CAST: variants seen among roughly 807,000 people sequenced by gnomAD.
CAST encodes the protein calpastatin.
A neutral mutation model predicts 119.6 loss-of-function variants in CAST; 76 were observed. That is an observed-to-expected ratio of 0.64 (90% CI 0.53 to 0.77). The LOEUF is 0.77. CAST is among the 30% of genes least tolerant of loss of function. The pLI is 0.00. For synonymous variants in CAST, 319 were observed against 331.6 expected (o/e 0.96, Z 0.41); for missense variants, 953 against 946.5 (o/e 1.01, Z -0.09).
chr5:96,317,197 C>T, the CAST span, among the ~76,000 whole-genome samples: 8 of 151,768 alleles, frequency 5.3e-5, no homozygotes, highest in South Asian at 2.1e-4. Flanking sequence ...GGTGTGGTGG[C>T]TCATGCCTGT....
chr5:96,671,432 T>C (rs972231727), intron 1 of CAST, among the ~76,000 whole-genome samples: 3 of 152,216 alleles, frequency 2.0e-5, no homozygotes, highest in African/African-American at 7.2e-5. Context: ...CTCTAAAGAC[T>C]TTCTTGATGA....
the CAST span, among the ~76,000 whole-genome samples, chr5:96,233,460 A>T: frequency 7.2e-5 from 11 of 152,154 alleles, no homozygotes; most frequent in African/African-American, 2.7e-4. Context: ...GTATTTTAAA[A>T]TACTTCAAAA....
At chr5:96,592,270 G>A (rs1190252753) in intron 1 of CAST, among the ~76,000 whole-genome samples, 1 of 151,876 alleles carries the variant, frequency 6.6e-6, no homozygotes, top group Non-Finnish European at 1.5e-5. Flanking sequence ...GTGTGGTGAT[G>A]TGCGCCTTTG....
the CAST span, among the ~76,000 whole-genome samples, chr5:96,200,690 C>T: frequency 6.6e-6 from 1 of 152,098 alleles, no homozygotes; most frequent in Admixed American, 6.6e-5. Flanking sequence ...ATCTAATTGC[C>T]TGCATTCAAA....
chr5:96,008,300 T>A, the CAST span, among the ~76,000 whole-genome samples: 3 of 152,250 alleles, frequency 2.0e-5, no homozygotes, highest in African/African-American at 7.2e-5. Context: ...ATCTATCACC[T>A]GTTCACTTTT....
At chr5:96,239,589 C>G in the CAST span, among the ~76,000 whole-genome samples, 1 of 152,014 alleles carries the variant, frequency 6.6e-6, no homozygotes, top group Non-Finnish European at 1.5e-5. Flanking sequence ...GTTTTTTCCA[C>G]TAATCTGCCC....
chr5:96,520,526 A>AGT (rs952718225), upstream of CAST, among the ~76,000 whole-genome samples: 3 of 151,124 alleles, frequency 2.0e-5, no homozygotes, highest in Non-Finnish European at 4.4e-5. Context: ...TGTTTGTGTC[A>AGT]GTGTGTGTGT....
At chr5:96,208,111 C>A in the CAST span, among the ~76,000 whole-genome samples, 1 of 150,100 alleles carries the variant, frequency 6.7e-6, no homozygotes, top group Non-Finnish European at 1.5e-5. Flanking sequence ...TACATGTGTT[C>A]ATAATAGCCT....
chr5:96,554,602 A>C (rs191451919), intron 1 of CAST, among the ~76,000 whole-genome samples: 2 of 152,220 alleles, frequency 1.3e-5, no homozygotes, highest in Non-Finnish European at 2.9e-5. Context: ...AGAAACTATC[A>C]TCAGAGTGAA....
chr5:96,013,785 A>C, the CAST span, among the ~76,000 whole-genome samples: 2 of 152,202 alleles, frequency 1.3e-5, no homozygotes, highest in Non-Finnish European at 1.5e-5. Context: ...CAGTAAAAAT[A>C]GAGTATAAAG....
chr5:96,477,312 A>G, the CAST span, among the ~76,000 whole-genome samples: 6 of 151,986 alleles, frequency 3.9e-5, no homozygotes, highest in African/African-American at 1.4e-4. Context: ...GCGTGCACAC[A>G]CACACACACA....
upstream of CAST, among the ~76,000 whole-genome samples, chr5:96,520,619 G>T (rs1382947923): frequency 1.3e-5 from 2 of 152,072 alleles, no homozygotes; most frequent in Non-Finnish European, 2.9e-5. Flanking sequence ...CTATGTATAT[G>T]TGTGTGTGCT....
chr5:96,170,061 T>G, the CAST span, among the ~76,000 whole-genome samples: 54 of 151,962 alleles, frequency 3.6e-4, no homozygotes, highest in South Asian at 7.9e-3. Flanking sequence ...TTAAGAAGGG[T>G]ATGGACTTAC....
chr5:96,627,540 C>T (rs1747746383), intron 1 of CAST, among the ~76,000 whole-genome samples: 1 of 152,024 alleles, frequency 6.6e-6, no homozygotes. Flanking sequence ...TCTGTGAAAC[C>T]TAAAAATTTG....
chr5:96,216,608 C>G, the CAST span, among the ~76,000 whole-genome samples: 1 of 152,178 alleles, frequency 6.6e-6, no homozygotes, highest in Non-Finnish European at 1.5e-5. Context: ...CTGAATTACT[C>G]AGATCCTACA....
chr5:96,248,769 C>G, the CAST span, among the ~76,000 whole-genome samples: 37 of 152,270 alleles, frequency 2.4e-4, no homozygotes, highest in Middle Eastern at 3.4e-3. Flanking sequence ...TGTGTGTTAG[C>G]AAAGTTCTAA....
the CAST span, among the ~76,000 whole-genome samples, chr5:96,358,121 G>A: frequency 6.6e-6 from 1 of 152,094 alleles, no homozygotes; most frequent in African/African-American, 2.4e-5. Flanking sequence ...TTTGCATAGA[G>A]GTGTTTATAG....
intron 2 of CAST, among the ~76,000 whole-genome samples, chr5:96,677,570 G>A (rs1303412008): frequency 6.6e-6 from 1 of 152,250 alleles, no homozygotes; most frequent in African/African-American, 2.4e-5. Context: ...AGAAGGAACA[G>A]CGAATTTTTC....
At chr5:96,142,167 C>T in the CAST span, among the ~76,000 whole-genome samples, 1 of 152,162 alleles carries the variant, frequency 6.6e-6, no homozygotes, top group Non-Finnish European at 1.5e-5. Context: ...AATCCCAGTA[C>T]TCTGGGAGGT....
Sources: allele counts gnomAD v4.1 joint callset (sites outside exome capture counted in the v4.1 genomes callset), GRCh38; gene constraint gnomAD v4.1.1; transcripts MANE v1.5; gene names NCBI Gene and HGNC (gene_info 2026-07-23, HGNC 2026-07-21).